Variants in GNA12 observed in about 807,000 individuals in gnomAD.
GNA12 encodes G protein subunit alpha 12.
GNA12 carries 9 observed loss-of-function variants against 26.0 expected under a neutral mutation model. The observed-to-expected ratio is 0.35, with a 90% CI of 0.21 to 0.60. GNA12 has a LOEUF of 0.60. Among genes scored for constraint, GNA12 ranks in the 20% least tolerant of loss-of-function variants. GNA12 has a pLI of 0.78. For missense variants in GNA12, 405 were observed against 525.8 expected (o/e 0.77, Z 2.25); for synonymous variants, 264 against 219.6 (o/e 1.20, Z -1.79).
At chr7:2,836,867 T>A (rs962596147) in intron 1 of GNA12, among the ~76,000 whole-genome samples, 2 of 152,114 alleles carry the variant, frequency 1.3e-5, no homozygotes, top group Non-Finnish European at 2.9e-5. Context: ...GAGGTTGCAG[T>A]GAGCCAGGAT....
chr7:2,745,251 G>A (rs1047851452), intron 2 of GNA12, among the ~76,000 whole-genome samples: 3 of 152,218 alleles, frequency 2.0e-5, no homozygotes, highest in Admixed American at 6.5e-5. Context: ...AGGAAAAAAT[G>A]TTAAGGGCAG....
chr7:2,803,869 T>A (rs1295321738), intron 1 of GNA12, among the ~76,000 whole-genome samples: 1 of 151,698 alleles, frequency 6.6e-6, no homozygotes, highest in Non-Finnish European at 1.5e-5. Flanking sequence ...TCTCCTGAAC[T>A]GGAAAGTGAA....
intron 1 of GNA12, among the ~76,000 whole-genome samples, chr7:2,805,822 C>G (rs571892637): frequency 1.3e-5 from 2 of 152,222 alleles, no homozygotes; most frequent in African/African-American, 2.4e-5. Context: ...AAAACACTCA[C>G]TCATCTACGC....
intron 1 of GNA12, among the ~76,000 whole-genome samples, chr7:2,806,324 C>T (rs1792945749): frequency 1.3e-5 from 2 of 151,780 alleles, no homozygotes; most frequent in Admixed American, 1.3e-4. Context: ...ACTAAAAACA[C>T]AAAAATTAGT....
chr7:2,790,366 C>T (rs560728388), intron 2 of GNA12, among the ~76,000 whole-genome samples: 1 of 152,216 alleles, frequency 6.6e-6, no homozygotes, highest in Non-Finnish European at 1.5e-5. Context: ...AACCTCCTAC[C>T]TCAGCCACCG....
intron 1 of GNA12, among the ~76,000 whole-genome samples, chr7:2,841,857 T>C (rs982439286): frequency 3.3e-5 from 5 of 152,084 alleles, no homozygotes; most frequent in African/African-American, 7.2e-5. Context: ...CCAGGCACCA[T>C]AAAACCTAGT....
rs752016648 is a variant in GNA12 at position 2,814,930 on chromosome 7, T to C, written c.310-19787A>G. 5 of 1,590,094 alleles carry C rather than the reference T, an allele frequency of 3.1e-6. No individual in the cohort carries two copies. The South Asian group carries it at 3.4e-5, about 11-fold the overall frequency. ...GGCCTGGGAAACATTCTCCGTTTCA[T>C]TTCAAATGCCTACAATACAGTAGGC... On this transcript the variant is annotated intron_variant, in intron 1 of 3. Transcript: ENST00000275364.
At chr7:2,746,840 A>G (rs1790788205) in intron 2 of GNA12, among the ~76,000 whole-genome samples, 1 of 149,400 alleles carries the variant, frequency 6.7e-6, no homozygotes. Context: ...AGGGGATATC[A>G]TCACCAATCC....
intron 2 of GNA12, among the ~76,000 whole-genome samples, chr7:2,789,629 G>A (rs976697235): frequency 6.6e-6 from 1 of 152,140 alleles, no homozygotes; most frequent in African/African-American, 2.4e-5. Flanking sequence ...CACACAGACC[G>A]GGTGGCAACA....
intron 2 of GNA12, among the ~76,000 whole-genome samples, chr7:2,783,377 G>A (rs1314131784): frequency 6.6e-6 from 1 of 152,140 alleles, no homozygotes; most frequent in African/African-American, 2.4e-5. Flanking sequence ...GCCCATGGGT[G>A]GGATTTAGTT....
chr7:2,763,187 C>A, intron 2 of GNA12: 1 of 577,156 alleles, frequency 1.7e-6, no homozygotes, highest in Non-Finnish European at 2.3e-6. Flanking sequence ...TCACAAGACA[C>A]CCCAACACAC....
intron 1 of GNA12, among the ~76,000 whole-genome samples, chr7:2,842,319 T>C (rs1779021259): frequency 6.8e-6 from 1 of 146,776 alleles, no homozygotes; most frequent in African/African-American, 2.6e-5. Flanking sequence ...CTATGGTTCT[T>C]TTATTTTTTT....
chr7:2,733,612 G>A, intron 2 of GNA12, 111 bp from the exon 3 acceptor site: 6 of 785,654 alleles, frequency 7.6e-6, no homozygotes, highest in Non-Finnish European at 1.3e-5. Flanking sequence ...CCGTGTGAAT[G>A]GGAAAGCAAA....
chr7:2,779,963 A>G (rs1304235122), intron 2 of GNA12, among the ~76,000 whole-genome samples: 2 of 151,266 alleles, frequency 1.3e-5, no homozygotes, highest in Non-Finnish European at 2.9e-5. Flanking sequence ...TTTCATAAAC[A>G]TATATAAAAA....
At chr7:2,790,259 A>G (rs774898186) in intron 2 of GNA12, among the ~76,000 whole-genome samples, 3 of 152,022 alleles carry the variant, frequency 2.0e-5, no homozygotes, top group Admixed American at 6.5e-5. Context: ...TCAATTACAT[A>G]TTTTTTGAGA....
At chr7:2,839,119 G>A (rs191583681) in intron 1 of GNA12, among the ~76,000 whole-genome samples, 6 of 152,292 alleles carry the variant, frequency 3.9e-5, no homozygotes, top group South Asian at 2.1e-4. Context: ...CAAATAGACC[G>A]TATCCTAGGC....
At chr7:2,824,939 G>A (rs1033628975) in intron 1 of GNA12, among the ~76,000 whole-genome samples, 2 of 152,056 alleles carry the variant, frequency 1.3e-5, no homozygotes, top group African/African-American at 4.8e-5. Flanking sequence ...ACCACTTTCC[G>A]ACTAAAGACA....
At chr7:2,743,883 G>C (rs1790631621) in intron 2 of GNA12, among the ~76,000 whole-genome samples, 1 of 151,958 alleles carries the variant, frequency 6.6e-6, no homozygotes, top group Non-Finnish European at 1.5e-5. Flanking sequence ...TCCCGCACCT[G>C]GCTCGGAGGG....
At chr7:2,742,949 A>T (rs949936317) in intron 2 of GNA12, among the ~76,000 whole-genome samples, 4 of 152,334 alleles carry the variant, frequency 2.6e-5, no homozygotes, top group African/African-American at 9.6e-5. Flanking sequence ...TCAATTTTCC[A>T]GGTGCACACT....
Sources: gnomAD v4.1 joint callset for allele counts (sites outside exome capture counted in the v4.1 genomes callset) on GRCh38, gnomAD v4.1.1 for gene constraint, MANE v1.5 for transcripts, NCBI Gene and HGNC (gene_info 2026-07-23, HGNC 2026-07-21) for gene names.